ZFPM2: variants seen among roughly 807,000 people sequenced by gnomAD.
ZFPM2 encodes zinc finger protein, FOG family member 2.
ZFPM2 carries 20 observed loss-of-function variants against 98.6 expected under a neutral mutation model. That is an observed-to-expected ratio of 0.20 (90% CI 0.14 to 0.29). The LOEUF is 0.29. Ranked by LOEUF, ZFPM2 falls within the 10% of genes least tolerant of loss-of-function variation. ZFPM2 has a pLI of 1.00. For missense variants in ZFPM2, 1,310 were observed against 1,388.6 expected, an observed-to-expected ratio of 0.94 and a Z score of 0.90; for synonymous variants, 518 against 502.7, an observed-to-expected ratio of 1.03 and a Z score of -0.41.
intron 5 of ZFPM2, among the ~76,000 whole-genome samples, chr8:105,658,309 C>CGT (rs1586178875): frequency 8.2e-6 from 1 of 121,304 alleles, no homozygotes; most frequent in East Asian, 2.4e-4. Context: ...AAGCAGACGG[C>CGT]CGGGCGCGGT....
intron 5 of ZFPM2, among the ~76,000 whole-genome samples, chr8:105,731,249 A>G (rs941416919): frequency 6.6e-6 from 1 of 151,442 alleles, no homozygotes; most frequent in African/African-American, 2.4e-5. Context: ...AAAGAAAGTG[A>G]AACCACTTCT....
intron 3 of ZFPM2, among the ~76,000 whole-genome samples, chr8:105,540,490 A>G (rs1316239556): frequency 6.6e-6 from 1 of 152,120 alleles, no homozygotes; most frequent in Non-Finnish European, 1.5e-5. Flanking sequence ...ATGATATGTG[A>G]TAAGTGGATA....
intron 4 of ZFPM2, among the ~76,000 whole-genome samples, chr8:105,598,365 A>G (rs1352854531): frequency 1.3e-5 from 2 of 152,104 alleles, no homozygotes; most frequent in Non-Finnish European, 2.9e-5. Context: ...GATAGGACTG[A>G]TTACTTTTAT....
intron 5 of ZFPM2, among the ~76,000 whole-genome samples, chr8:105,647,844 G>T (rs1586172371): frequency 6.6e-6 from 1 of 152,222 alleles, no homozygotes; most frequent in East Asian, 1.9e-4. Flanking sequence ...ATATACGTGT[G>T]CATGTGTCTT....
chr8:105,709,972 AT>A (rs965592251), intron 5 of ZFPM2, among the ~76,000 whole-genome samples: 2 of 151,722 alleles, frequency 1.3e-5, no homozygotes, highest in South Asian at 2.1e-4. Context: ...TGGGGACATT[AT>A]TTTTTTTAAG....
intron 1 of ZFPM2, among the ~76,000 whole-genome samples, chr8:105,413,301 A>G (rs773863234): frequency 4.0e-5 from 6 of 151,774 alleles, no homozygotes; most frequent in Non-Finnish European, 7.4e-5. Context: ...ATGAAAAGTT[A>G]TATTTTAACT....
intron 5 of ZFPM2, among the ~76,000 whole-genome samples, chr8:105,698,931 T>C (rs1413310433): frequency 1.3e-5 from 2 of 152,180 alleles, no homozygotes; most frequent in African/African-American, 4.8e-5. Context: ...CTCTCCTTGC[T>C]ATATTCTTTT....
At chr8:105,640,476 C>A (rs1816930011) in intron 5 of ZFPM2, among the ~76,000 whole-genome samples, 1 of 151,964 alleles carries the variant, frequency 6.6e-6, no homozygotes, top group Non-Finnish European at 1.5e-5. Flanking sequence ...CTTCAAAGTT[C>A]TGATTTTGCA....
At chr8:105,777,908 T>A (rs1032499762) in intron 5 of ZFPM2, among the ~76,000 whole-genome samples, 2 of 152,162 alleles carry the variant, frequency 1.3e-5, no homozygotes, top group Non-Finnish European at 2.9e-5. Context: ...TGTGCTGGGC[T>A]CCCTTTTGAT....
intron 1 of ZFPM2, among the ~76,000 whole-genome samples, chr8:105,332,645 A>G (rs911981733): frequency 6.6e-6 from 1 of 151,696 alleles, no homozygotes; most frequent in African/African-American, 2.4e-5. Flanking sequence ...TTACATAGTA[A>G]GTACACTATG....
At chr8:105,695,604 G>A (rs1188074689) in intron 5 of ZFPM2, among the ~76,000 whole-genome samples, 2 of 151,924 alleles carry the variant, frequency 1.3e-5, no homozygotes, top group Non-Finnish European at 2.9e-5. Context: ...GTTAAGTGCA[G>A]TCACCAAACA....
chr8:105,452,793 C>T (rs1384215564), intron 3 of ZFPM2, among the ~76,000 whole-genome samples: 2 of 151,918 alleles, frequency 1.3e-5, no homozygotes, highest in Non-Finnish European at 2.9e-5. Context: ...GACAAACAAA[C>T]AAAATCCAAA....
At chr8:105,595,375 A>T (rs868376746) in intron 4 of ZFPM2, among the ~76,000 whole-genome samples, 6 of 152,100 alleles carry the variant, frequency 3.9e-5, no homozygotes, top group Middle Eastern at 3.2e-3. Context: ...AAGAGCTATT[A>T]TCCAAAAGAG....
chr8:105,573,645 TATTA>T (rs1373040290), intron 4 of ZFPM2, among the ~76,000 whole-genome samples: 1 of 152,246 alleles, frequency 6.6e-6, no homozygotes, highest in Non-Finnish European at 1.5e-5. Context: ...TTTATTTAGA[TATTA>T]ATTTTGCAAT....
rs74529066 is a variant in ZFPM2 at position 105,641,692 on chromosome 8, G to A, written c.532+7335G>A. ...ATTTATTGATGTTATTTCAATCTGA[G>A]TCTGGGTGTACTGAATAGTTTATTG... On this transcript the variant is annotated intron_variant, in intron 5 of 7. Coordinates refer to ENST00000407775, the MANE Select transcript of ZFPM2 (RefSeq NM_012082.4). Among the ~76,000 whole-genome samples the A allele has an allele frequency of 4.1e-3, 630 of 152,116 alleles. 4 individuals are homozygous for A. The highest frequency in any genetic ancestry group is 0.014 in the African/African-American group (585 of 41,520).
intron 5 of ZFPM2, among the ~76,000 whole-genome samples, chr8:105,697,186 C>T (rs1048131420): frequency 1.3e-5 from 2 of 152,150 alleles, no homozygotes; most frequent in Non-Finnish European, 2.9e-5. Flanking sequence ...TTCTGTCTTA[C>T]CTACCTCCCA....
In ZFPM2 at chr8:105,444,348, C is replaced by A. The variant is rs578053386; in HGVS notation, c.268C>A (p.Pro90Thr). ...GDTQSEKPGQ[P>T]GVETDDWDGP... ...CACACAGTCAGAGAAACCGGGGCAA[C>A]CTGGAGTTGAGACAGACGACTGGGA... The change falls in exon 3 of 8, where the codon CCT becomes ACT. Residue 90 changes from proline to threonine, a missense_variant. Physicochemically the swap from Pro to Thr is conservative, Grantham distance 38. Coordinates refer to ENST00000407775, the MANE Select transcript of ZFPM2 (RefSeq NM_012082.4). 61 of 1,612,294 alleles carry A rather than the reference C, an allele frequency of 3.8e-5. 1 individual carries two copies. The South Asian group carries it at 6.0e-4, about 16-fold the overall frequency.
chr8:105,340,041 A>G (rs1812398179), intron 1 of ZFPM2, among the ~76,000 whole-genome samples: 1 of 151,898 alleles, frequency 6.6e-6, no homozygotes, highest in Admixed American at 6.6e-5. Flanking sequence ...AATAAAGGAA[A>G]CTGGCATTTA....
chr8:105,526,537 T>G (rs1326844036), intron 3 of ZFPM2, among the ~76,000 whole-genome samples: 1 of 152,216 alleles, frequency 6.6e-6, no homozygotes, highest in Non-Finnish European at 1.5e-5. Context: ...CTAGCCTCTT[T>G]GATTTTTTAA....
Sources: gnomAD v4.1 joint callset for allele counts (sites outside exome capture counted in the v4.1 genomes callset) on GRCh38, gnomAD v4.1.1 for gene constraint, MANE v1.5 for transcripts, NCBI Gene and HGNC (gene_info 2026-07-23, HGNC 2026-07-21) for gene names.